Variants in AK8 observed in about 807,000 individuals in gnomAD.
AK8 encodes the protein adenylate kinase 8, also known as ATP-AMP transphosphorylase 8.
A neutral mutation model predicts 54.6 loss-of-function variants in AK8; 44 were observed. That is an observed-to-expected ratio of 0.81 (90% CI 0.63 to 1.04). The LOEUF (loss-of-function observed/expected upper bound fraction) is 1.04, where lower values mean the gene tolerates loss of function less well. Ranked by LOEUF, AK8 falls within the 50% of genes least tolerant of loss-of-function variation. The pLI is 0.00. For synonymous variants in AK8, 239 were observed against 245.6 expected (o/e 0.97, Z 0.25); for missense variants, 555 against 613.6 (o/e 0.90, Z 1.01).
rs926085119 is a variant in AK8 at position 132,801,525 on chromosome 9, A to G, written c.980-8750T>C. Among the ~76,000 whole-genome samples the G allele has an allele frequency of 3.3e-5, 5 of 152,352 alleles. 1 individual carries two copies. Among genetic ancestry groups the G allele is most frequent in the East Asian group, 1.9e-4 (1 of 5,186 alleles). ...CTAAGTGTACACTGCAGATCAAAGC[A>G]TTTAAGGAACACGATTTTCCTTCCA... On this transcript the variant is annotated intron_variant, in intron 10 of 12. Transcript: ENST00000298545.
rs545175904 is a variant in AK8, at chr9:132,751,054, G to A, written c.1122-23520C>T. Among the ~76,000 whole-genome samples, 7 of 152,028 alleles carry A rather than the reference G, an allele frequency of 4.6e-5. 1 individual carries two copies. The highest frequency in any genetic ancestry group is 9.6e-5 in the African/African-American group (4 of 41,538). ...GAATTTCTAGATAAAGCTTTTCCAC[G>A]TCTTTGGCCAGGTACACAGAACTGC... On this transcript the variant is annotated intron_variant, in intron 11 of 12. Transcript: ENST00000298545.
chr9:132,774,454 C>T (rs745410072), intron 11 of AK8, among the ~76,000 whole-genome samples: 6 of 152,166 alleles, frequency 3.9e-5, no homozygotes, highest in Non-Finnish European at 8.8e-5. Flanking sequence ...TAGACATCTG[C>T]CACCTGAATC....
chr9:132,751,685 C>G (rs907719174), intron 11 of AK8, among the ~76,000 whole-genome samples: 3 of 151,788 alleles, frequency 2.0e-5, no homozygotes, highest in Non-Finnish European at 4.4e-5. Flanking sequence ...TGACGGCTGA[C>G]GAGCACAAAT....
At chr9:132,735,230 C>G (rs189190616) in intron 11 of AK8, among the ~76,000 whole-genome samples, 25 of 152,324 alleles carry the variant, frequency 1.6e-4, no homozygotes, top group Non-Finnish European at 3.7e-4. Flanking sequence ...CCCACTCTAG[C>G]CACACTGCCT....
At chr9:132,773,710 C>T (rs1436139537) in intron 11 of AK8, among the ~76,000 whole-genome samples, 1 of 152,168 alleles carries the variant, frequency 6.6e-6, no homozygotes, top group Non-Finnish European at 1.5e-5. Context: ...GGATTCCAAC[C>T]CAGTTGCTGA....
chr9:132,731,215 T>A (rs1460064219), intron 11 of AK8, among the ~76,000 whole-genome samples: 1 of 152,194 alleles, frequency 6.6e-6, no homozygotes, highest in East Asian at 1.9e-4. Context: ...GATTTGTGTG[T>A]TTTCAGCAGT....
At chr9:132,764,555 G>GA (rs1315014337) in intron 11 of AK8, among the ~76,000 whole-genome samples, 1 of 152,124 alleles carries the variant, frequency 6.6e-6, no homozygotes, top group Non-Finnish European at 1.5e-5. Flanking sequence ...CAACAAACTG[G>GA]AAAATCTAAC....
intron 7 of AK8, 24 bp from the exon 8 acceptor site, chr9:132,827,078 T>TA (rs1841903282): frequency 6.2e-7 from 1 of 1,611,198 alleles, no homozygotes; most frequent in Non-Finnish European, 8.5e-7. Context: ...GGTGCACAGT[T>TA]AGAAATGGCC....
chr9:132,800,817 T>C (rs1397029578), intron 10 of AK8, among the ~76,000 whole-genome samples: 1 of 152,000 alleles, frequency 6.6e-6, no homozygotes, highest in Non-Finnish European at 1.5e-5. Context: ...CTTTACCATG[T>C]CTACTCAGGC....
intron 2 of AK8, 109 bp downstream of exon 2, chr9:132,875,005 AG>A: frequency 2.9e-6 from 4 of 1,377,464 alleles, no homozygotes; most frequent in Non-Finnish European, 4.0e-6. Flanking sequence ...GGGATGGGGC[AG>A]GGTTCCTGGA....
At chr9:132,859,141 G>C (rs1012156682) in intron 4 of AK8, among the ~76,000 whole-genome samples, 7 of 152,214 alleles carry the variant, frequency 4.6e-5, no homozygotes, top group African/African-American at 1.4e-4. Context: ...AGAAGTGAGG[G>C]AGACACCAGG....
intron 11 of AK8, among the ~76,000 whole-genome samples, chr9:132,789,250 G>A (rs535571118): frequency 1.2e-4 from 18 of 151,766 alleles, no homozygotes; most frequent in East Asian, 7.8e-4. Flanking sequence ...AGCCAAGATC[G>A]CGCCATGCAC....
At chr9:132,736,870 A>C (rs1312912310) in intron 11 of AK8, among the ~76,000 whole-genome samples, 1 of 152,054 alleles carries the variant, frequency 6.6e-6, no homozygotes. Context: ...GTAAAATAAG[A>C]CAGATACAAA....
rs147128490 is a variant in AK8 at position 132,799,237 on chromosome 9, G to T, written c.980-6462C>A. 6.1e-3 allele frequency among the ~76,000 whole-genome samples: 925 copies of T among 152,320 alleles called. 4 individuals are homozygous for T. Among genetic ancestry groups the T allele is most frequent in the African/African-American group, 0.018 (741 of 41,556 alleles). ...CTTGGCTTTCTGCCCATCAGTTATT[G>T]TTGAGGGAGAAGATATGAGGGACAC... On this transcript the variant is annotated intron_variant, in intron 10 of 12. Coordinates refer to ENST00000298545, the MANE Select transcript of AK8 (RefSeq NM_152572.3). This position sits in a 1 kb window ranked among gnomAD's most constrained non-coding sequence, Gnocchi z 5.0.
chr9:132,745,454 G>A (rs902320866), intron 11 of AK8, among the ~76,000 whole-genome samples: 8 of 152,110 alleles, frequency 5.3e-5, no homozygotes, highest in Non-Finnish European at 1.2e-4. Flanking sequence ...TGGAGAAGGC[G>A]GGCCAAACTT....
intron 1 of AK8, 21 bp from the exon 2 acceptor site, chr9:132,875,220 C>A (rs375736487): frequency 6.2e-7 from 1 of 1,613,436 alleles, no homozygotes; most frequent in Non-Finnish European, 8.5e-7. Context: ...AGGGCAGACA[C>A]CCAGGTGGTT....
intron 10 of AK8, among the ~76,000 whole-genome samples, chr9:132,797,897 C>T (rs1176422533): frequency 1.3e-5 from 2 of 152,226 alleles, no homozygotes; most frequent in African/African-American, 4.8e-5. Flanking sequence ...GAAGCTCTGC[C>T]CAGAAGCCTG....
At chr9:132,804,724 C>G (rs1840635592) in intron 10 of AK8, among the ~76,000 whole-genome samples, 1 of 152,188 alleles carries the variant, frequency 6.6e-6, no homozygotes, top group Admixed American at 6.5e-5. Context: ...GGCGTGGTCC[C>G]CGCTTCCCTC....
Position 132,866,894 on chromosome 9 carries a change from A to C in AK8, c.219+10T>G, listed in dbSNP as rs1212458838. ...TTACAGCATCACAACACTTAATATG[A>C]TACACTTACTATTGTTGTTTTCCCT... On this transcript the variant is annotated intron_variant, in intron 3 of 12. Transcript: ENST00000298545. 2.5e-6 allele frequency: 4 copies of C among 1,613,030 alleles called. No individual in the cohort carries two copies. The South Asian group carries it at 4.4e-5, about 18-fold the overall frequency.
Sources: gnomAD v4.1 joint callset for allele counts (sites outside exome capture counted in the v4.1 genomes callset) on GRCh38, gnomAD v4.1.1 for gene constraint, Gnocchi (gnomAD v3.1) non-coding constraint, MANE v1.5 for transcripts, NCBI Gene and HGNC (gene_info 2026-07-23, HGNC 2026-07-21) for gene names.